DACH1: variants seen among roughly 807,000 people sequenced by gnomAD.
DACH1 encodes dachshund family transcription factor 1.
A neutral mutation model predicts 54.2 loss-of-function variants in DACH1; 12 were observed. The ratio of observed to expected loss-of-function variants is 0.22; its 90% CI spans 0.14 to 0.36. The LOEUF (loss-of-function observed/expected upper bound fraction) is 0.36. Among genes scored for constraint, DACH1 ranks in the 10% least tolerant of loss-of-function variants. The pLI is 1.00. For missense variants in DACH1, 805 were observed against 929.8 expected, an observed-to-expected ratio of 0.87 and a Z score of 1.75; for synonymous variants, 386 against 366.2, an observed-to-expected ratio of 1.05 and a Z score of -0.62.
chr13:71,490,558 G>C (rs749156486), intron 6 of DACH1, among the ~76,000 whole-genome samples: 1 of 152,174 alleles, frequency 6.6e-6, no homozygotes, highest in Non-Finnish European at 1.5e-5. Flanking sequence ...GCAAGTACTA[G>C]AGGAAGAAAC....
chr13:71,789,454 G>T (rs1302788787), intron 1 of DACH1, among the ~76,000 whole-genome samples: 1 of 152,028 alleles, frequency 6.6e-6, no homozygotes, highest in Non-Finnish European at 1.5e-5. Flanking sequence ...CCCATAAAAA[G>T]TATTATTTCT....
intron 6 of DACH1, among the ~76,000 whole-genome samples, chr13:71,534,034 T>C (rs1396234007): frequency 2.0e-5 from 3 of 152,052 alleles, no homozygotes; most frequent in African/African-American, 7.2e-5. Flanking sequence ...TCGTGATAAC[T>C]GCCTTTACAA....
intron 4 of DACH1, among the ~76,000 whole-genome samples, chr13:71,571,327 G>A (rs889136349): frequency 2.0e-5 from 3 of 151,924 alleles, no homozygotes; most frequent in Admixed American, 6.6e-5. Context: ...TTTTCCCTCC[G>A]CCAAACTCCT....
chr13:71,453,910 C>T (rs1209747817), intron 10 of DACH1, among the ~76,000 whole-genome samples: 1 of 152,102 alleles, frequency 6.6e-6, no homozygotes, highest in Non-Finnish European at 1.5e-5. Flanking sequence ...CTAATGAAAT[C>T]ATTAACTGAT....
intron 1 of DACH1, among the ~76,000 whole-genome samples, chr13:71,823,105 A>T (rs1028467186): frequency 1.3e-5 from 2 of 152,120 alleles, no homozygotes; most frequent in African/African-American, 4.8e-5. Flanking sequence ...TTCATAAATT[A>T]AAAAATAAAA....
intron 2 of DACH1, among the ~76,000 whole-genome samples, chr13:71,646,097 G>C (rs1296724619): frequency 6.6e-6 from 1 of 152,110 alleles, no homozygotes; most frequent in East Asian, 1.9e-4. Context: ...CAGCACTTTG[G>C]GAGGCCAAGG....
At chr13:71,531,947 T>G (rs981492574) in intron 6 of DACH1, among the ~76,000 whole-genome samples, 5 of 151,952 alleles carry the variant, frequency 3.3e-5, no homozygotes, top group African/African-American at 1.2e-4. Context: ...TATATACATG[T>G]GCATGTATGT....
At chr13:71,825,112 T>C (rs1463261421) in intron 1 of DACH1, among the ~76,000 whole-genome samples, 1 of 152,102 alleles carries the variant, frequency 6.6e-6, no homozygotes, top group African/African-American at 2.4e-5. Context: ...GGTTTAAACA[T>C]ATTTCAAACG....
chr13:71,588,616 A>G (rs1348530408), intron 3 of DACH1, among the ~76,000 whole-genome samples: 1 of 152,098 alleles, frequency 6.6e-6, no homozygotes, highest in Non-Finnish European at 1.5e-5. Flanking sequence ...GAACAGACAA[A>G]TGATAGTCTA....
intron 10 of DACH1, among the ~76,000 whole-genome samples, chr13:71,445,372 T>C (rs1874359641): frequency 6.6e-6 from 1 of 152,206 alleles, no homozygotes; most frequent in Non-Finnish European, 1.5e-5. Flanking sequence ...TTATAAAAAT[T>C]ACATACATTA....
At chr13:71,771,410 G>A (rs564540481) in intron 1 of DACH1, among the ~76,000 whole-genome samples, 14 of 151,244 alleles carry the variant, frequency 9.3e-5, no homozygotes, top group African/African-American at 2.4e-4. Context: ...GATACAAGTC[G>A]GCCACGAAAT....
chr13:71,797,632 T>G (rs2138113549), intron 1 of DACH1, among the ~76,000 whole-genome samples: 1 of 152,176 alleles, frequency 6.6e-6, no homozygotes, highest in Admixed American at 6.6e-5. Flanking sequence ...TAGTTGGTGC[T>G]GAGGAGAAGT....
At chr13:71,488,540 G>A (rs895094716) in intron 7 of DACH1, among the ~76,000 whole-genome samples, 1 of 151,874 alleles carries the variant, frequency 6.6e-6, no homozygotes, top group Non-Finnish European at 1.5e-5. Flanking sequence ...ATGAAAGAAG[G>A]CATTTTTTTG....
intron 1 of DACH1, among the ~76,000 whole-genome samples, chr13:71,804,805 G>A (rs1178938898): frequency 1.3e-5 from 2 of 152,022 alleles, no homozygotes; most frequent in South Asian, 4.2e-4. Flanking sequence ...TCTTTCAAGG[G>A]GTTTAGTCTA....
intron 1 of DACH1, among the ~76,000 whole-genome samples, chr13:71,865,205 T>C (rs1874644295): frequency 6.6e-6 from 1 of 152,046 alleles, no homozygotes; most frequent in African/African-American, 2.4e-5. Flanking sequence ...CACGCACACA[T>C]GCGCGAACAC....
In DACH1 at chr13:71,606,792, T is replaced by C. The variant is rs77231612; in HGVS notation, c.1126+23764A>G. 1.9e-3 allele frequency among the ~76,000 whole-genome samples: 295 copies of C among 152,150 alleles called. 6 individuals are homozygous for C. The East Asian group carries it at 0.049, about 25-fold the overall frequency. On this transcript the variant is annotated intron_variant, in intron 3 of 10. Coordinates refer to ENST00000613252, the MANE Select transcript of DACH1 (RefSeq NM_080759.6). ...AAATAGCTATTCATGATTTAAATATTTTCATTTTCATTTATGAATTATTCT... is the reference window on the plus strand; with the variant it reads ...AAATAGCTATTCATGATTTAAATATCTTCATTTTCATTTATGAATTATTCT...
chr13:71,655,305 C>T (rs973552975), intron 2 of DACH1, among the ~76,000 whole-genome samples: 1 of 151,702 alleles, frequency 6.6e-6, no homozygotes, highest in African/African-American at 2.4e-5. Flanking sequence ...GAAATCAAGA[C>T]ATCACTTAGC....
intron 3 of DACH1, among the ~76,000 whole-genome samples, chr13:71,621,980 G>A (rs535775483): frequency 6.6e-5 from 10 of 152,074 alleles, no homozygotes; most frequent in East Asian, 1.9e-4. Flanking sequence ...TAAATCCTCC[G>A]TTCTTTCCTA....
intron 8 of DACH1, among the ~76,000 whole-genome samples, chr13:71,478,459 T>C (rs557416822): frequency 6.6e-6 from 1 of 152,334 alleles, no homozygotes; most frequent in African/African-American, 2.4e-5. Flanking sequence ...AAATGCATAG[T>C]TGAAGCAAAG....
Sources: allele counts gnomAD v4.1 joint callset (sites outside exome capture counted in the v4.1 genomes callset), GRCh38; gene constraint gnomAD v4.1.1; transcripts MANE v1.5; gene names NCBI Gene and HGNC (gene_info 2026-07-23, HGNC 2026-07-21).